The following FMN1 variants were observed in gnomAD, a reference collection of about 807,000 sequenced individuals.
The protein encoded by FMN1 is formin-1.
FMN1 carries 110 observed loss-of-function variants against 132.4 expected under a neutral mutation model. The ratio of observed to expected loss-of-function variants is 0.83; its 90% CI spans 0.71 to 0.97. FMN1 has a LOEUF of 0.97. FMN1 is among the 50% of genes least tolerant of loss of function. The pLI, the probability that FMN1 is intolerant of heterozygous loss-of-function variation, is 0.00. For synonymous variants in FMN1, 722 were observed against 651.7 expected (o/e 1.11, Z -1.64); for missense variants, 1,792 against 1,705.3 (o/e 1.05, Z -0.90).
intron 6 of FMN1, among the ~76,000 whole-genome samples, chr15:33,009,179 C>T (rs2034575315): frequency 6.6e-6 from 1 of 152,110 alleles, no homozygotes; most frequent in African/African-American, 2.4e-5. Context: ...AATCATACCT[C>T]GAATGGTCTG....
At chr15:32,893,722 T>C (rs2060087221) in intron 15 of FMN1, among the ~76,000 whole-genome samples, 1 of 152,268 alleles carries the variant, frequency 6.6e-6, no homozygotes, top group South Asian at 2.1e-4. Flanking sequence ...ACCACACTAC[T>C]GTGGGCTTAT....
intron 6 of FMN1, among the ~76,000 whole-genome samples, chr15:33,020,413 C>T (rs939085245): frequency 5.6e-5 from 7 of 124,092 alleles, no homozygotes; most frequent in East Asian, 2.1e-4. Context: ...TTGGGGAGGC[C>T]GAGGTGGGTG....
chr15:32,887,254 A>G (rs2059917572), intron 16 of FMN1, among the ~76,000 whole-genome samples: 1 of 152,178 alleles, frequency 6.6e-6, no homozygotes, highest in Admixed American at 6.5e-5. Flanking sequence ...TCCTGGTTGA[A>G]GCCCTTCATT....
intron 9 of FMN1, among the ~76,000 whole-genome samples, chr15:32,932,392 C>T (rs909324634): frequency 2.0e-5 from 3 of 152,168 alleles, no homozygotes; most frequent in African/African-American, 7.2e-5. Flanking sequence ...CAGAGTGAGA[C>T]AATTAAGTTT....
intron 6 of FMN1, among the ~76,000 whole-genome samples, chr15:33,060,558 G>A (rs2037434954): frequency 6.6e-6 from 1 of 152,164 alleles, no homozygotes; most frequent in Admixed American, 6.5e-5. Flanking sequence ...GGAAAGATGT[G>A]TCTGCTGGAG....
intron 3 of FMN1, among the ~76,000 whole-genome samples, chr15:33,179,278 A>T (rs536347990): frequency 2.0e-5 from 3 of 152,196 alleles, no homozygotes; most frequent in African/African-American, 7.2e-5. Flanking sequence ...TAAAGAAAAA[A>T]TTTTTTAATG....
chr15:33,006,255 A>G (rs2034409030), intron 7 of FMN1, among the ~76,000 whole-genome samples: 1 of 152,220 alleles, frequency 6.6e-6, no homozygotes, highest in South Asian at 2.1e-4. Context: ...TCTCAAAAGA[A>G]GACATACAAA....
chr15:32,889,849 G>A (rs1435328138), intron 15 of FMN1, among the ~76,000 whole-genome samples: 4 of 152,128 alleles, frequency 2.6e-5, no homozygotes, highest in African/African-American at 7.2e-5. Context: ...GTGGTGATTT[G>A]TGAAATTTTG....
chr15:32,964,953 G>C (rs1249913767), intron 8 of FMN1, among the ~76,000 whole-genome samples: 1 of 152,128 alleles, frequency 6.6e-6, no homozygotes, highest in African/African-American at 2.4e-5. Flanking sequence ...AGAAACAGGG[G>C]CACCCTAGTT....
At chr15:33,097,643 C>G (rs534291514) in intron 4 of FMN1, among the ~76,000 whole-genome samples, 3 of 152,164 alleles carry the variant, frequency 2.0e-5, no homozygotes, top group South Asian at 4.1e-4. Flanking sequence ...GGGAGGAGGG[C>G]AGACAGAGAG....
chr15:32,943,206 T>C (rs1454167993), intron 9 of FMN1, among the ~76,000 whole-genome samples: 1 of 152,168 alleles, frequency 6.6e-6, no homozygotes, highest in African/African-American at 2.4e-5. Context: ...AATATCCACA[T>C]AGGGTACACG....
At chr15:32,954,798 T>G (rs1364848917) in intron 9 of FMN1, among the ~76,000 whole-genome samples, 1 of 152,080 alleles carries the variant, frequency 6.6e-6, no homozygotes, top group East Asian at 1.9e-4. Flanking sequence ...TTGAGGTCAG[T>G]AGTTGGAGAC....
chr15:32,803,021 T>C (rs1343940712), intron 18 of FMN1, among the ~76,000 whole-genome samples: 2 of 152,172 alleles, frequency 1.3e-5, no homozygotes, highest in African/African-American at 2.4e-5. Flanking sequence ...ATCTTATTGG[T>C]AATTACAGTG....
chr15:33,099,741 T>C (rs1308091189), intron 4 of FMN1, among the ~76,000 whole-genome samples: 2 of 152,204 alleles, frequency 1.3e-5, no homozygotes, highest in Non-Finnish European at 2.9e-5. Context: ...CATTTATGTT[T>C]CCAATAATCC....
At chr15:33,165,150 T>C (rs986983731) in intron 3 of FMN1, among the ~76,000 whole-genome samples, 2 of 152,218 alleles carry the variant, frequency 1.3e-5, no homozygotes, top group Non-Finnish European at 2.9e-5. Flanking sequence ...GCACAGCATC[T>C]CGCTAAAGGT....
At chr15:32,921,670 C>T (rs1025528544) in intron 10 of FMN1, among the ~76,000 whole-genome samples, 14 of 111,702 alleles carry the variant, frequency 1.3e-4, no homozygotes, top group African/African-American at 6.6e-4. Context: ...CCAGCTGTGT[C>T]TTTTTTTTCT....
At position 33,153,588 on chromosome 15, in the gene FMN1, C is replaced by T. The variant is rs1308811613; in HGVS notation, c.1327G>A (p.Val443Ile). 18 of 1,536,080 alleles carry T rather than the reference C, an allele frequency of 1.2e-5. No homozygotes were observed. The East Asian group carries it at 4.4e-4, about 38-fold the overall frequency. The change falls in exon 4 of 21, where the codon GTC (valine) becomes ATC (isoleucine). Residue 443 changes from valine to isoleucine, a missense_variant. Physicochemically the swap from Val to Ile is conservative, Grantham distance 29. Coordinates refer to ENST00000616417, the MANE Select transcript of FMN1 (RefSeq NM_001277313.2). ...APEGKRLGFP[V>I]HTSVPHTRPE... The stretch of plus-strand genomic sequence containing the variant: ...CGAGTGTGAGGGACACTCGTGTGGA[C>T]AGGGAAGCCCAGTCTTTTCCCCTCA...
chr15:32,966,428 G>C (rs1463010156), intron 8 of FMN1, among the ~76,000 whole-genome samples: 1 of 152,092 alleles, frequency 6.6e-6, no homozygotes, highest in African/African-American at 2.4e-5. Context: ...CGAATGACCT[G>C]CCATGGTGGT....
chr15:32,785,138 GT>G lies in FMN1; in HGVS notation c.4131-8220del, dbSNP rs1567162429. ...AACTCTTAAGTATGATGCTAGGGGTGTGTGTGTGTGTGTGTATACGTACGTG... is the reference window on the plus strand; with the variant it reads ...AACTCTTAAGTATGATGCTAGGGGTGGTGTGTGTGTGTGTATACGTACGTG... On this transcript the variant is annotated intron_variant, in intron 19 of 20. Transcript: ENST00000616417. Among the ~76,000 whole-genome samples the G allele has an allele frequency of 2.5e-3, 346 of 139,876 alleles. 4 individuals carry two copies. Among genetic ancestry groups the G allele is most frequent in the African/African-American group, 7.7e-3 (292 of 38,150 alleles). The allele number at this position is 139,876 out of a possible 152,430, so 91.8% of individuals were successfully genotyped here.
Sources: gnomAD v4.1 joint callset for allele counts (sites outside exome capture counted in the v4.1 genomes callset) on GRCh38, gnomAD v4.1.1 for gene constraint, MANE v1.5 for transcripts, NCBI Gene and HGNC (gene_info 2026-07-23, HGNC 2026-07-21) for gene names.